Variants in LYN observed in about 807,000 individuals in gnomAD.
The protein encoded by LYN is LYN proto-oncogene, Src family tyrosine kinase.
LYN carries 12 observed loss-of-function variants against 65.0 expected under a neutral mutation model. The observed-to-expected ratio is 0.18, with a 90% CI of 0.12 to 0.30. The LOEUF (loss-of-function observed/expected upper bound fraction) is 0.30. Among genes scored for constraint, LYN ranks in the 10% least tolerant of loss-of-function variants. The pLI, the probability that LYN is intolerant of heterozygous loss-of-function variation, is 1.00. For synonymous variants in LYN, 222 were observed against 221.2 expected, an observed-to-expected ratio of 1.00 and a Z score of -0.03; for missense variants, 380 against 623.2, an observed-to-expected ratio of 0.61 and a Z score of 4.16.
At chr8:55,912,675 C>T (rs982805664) in intron 1 of LYN, among the ~76,000 whole-genome samples, 12 of 149,716 alleles carry the variant, frequency 8.0e-5, no homozygotes, top group East Asian at 3.9e-4. Context: ...TGCAGTGAGC[C>T]GAGATTATGC....
chr8:55,982,911 C>A (rs1807968628), intron 10 of LYN, among the ~76,000 whole-genome samples: 1 of 152,144 alleles, frequency 6.6e-6, no homozygotes, highest in Non-Finnish European at 1.5e-5. Context: ...CCAGCACTTC[C>A]CGTCCCTTGA....
At chr8:55,961,241 A>G (rs548708360) in intron 8 of LYN, among the ~76,000 whole-genome samples, 5 of 152,176 alleles carry the variant, frequency 3.3e-5, no homozygotes, top group Non-Finnish European at 7.3e-5. Flanking sequence ...GTGCCACATC[A>G]GCTTTCTTTA....
chr8:55,929,881 C>A (rs538712909), intron 1 of LYN, among the ~76,000 whole-genome samples: 1 of 152,226 alleles, frequency 6.6e-6, no homozygotes, highest in Non-Finnish European at 1.5e-5. Flanking sequence ...CAGGCATCCC[C>A]AACCCCTGGG....
intron 1 of LYN, among the ~76,000 whole-genome samples, chr8:55,914,116 G>A (rs1285546471): frequency 1.3e-5 from 2 of 151,976 alleles, no homozygotes; most frequent in African/African-American, 2.4e-5. Context: ...GTGTGTGTGT[G>A]CACGTATGAC....
chr8:55,902,574 T>A (rs1805300668), intron 1 of LYN: 1 of 269,214 alleles, frequency 3.7e-6, no homozygotes, highest in Non-Finnish European at 7.4e-6. Context: ...ATGTACCACA[T>A]TACAATGTTT....
chr8:56,011,204 A>G lies in LYN; in HGVS notation c.*1094A>G, dbSNP rs1301312488. ...AGGATATGAAGGAACATAAGTGACT[A>G]CAAGGCTCTAATAAGCCACGGTGGC... is the stretch of plus-strand genomic sequence containing the variant. On this transcript the variant is annotated 3_prime_UTR_variant, in exon 13 of 13. Transcript: ENST00000519728. The G allele has an allele frequency of 8.8e-6, 2 of 227,894 alleles. No homozygotes were observed. The highest frequency in any genetic ancestry group is 1.7e-5 in the Non-Finnish European group (2 of 114,858). 14.1% of individuals were successfully genotyped at this position (227,894 alleles called of 1,614,324 possible).
At chr8:55,984,700 A>G (rs1808025977) in intron 10 of LYN, among the ~76,000 whole-genome samples, 2 of 152,326 alleles carry the variant, frequency 1.3e-5, no homozygotes, top group South Asian at 4.1e-4. Context: ...GTGGTCACAC[A>G]GCAGTCAGAG....
chr8:55,975,770 CTG>C (rs1377659475), intron 10 of LYN, among the ~76,000 whole-genome samples: 2 of 122,064 alleles, frequency 1.6e-5, no homozygotes, highest in Admixed American at 1.1e-4. Context: ...GAATAGGAAA[CTG>C]TCATTTAAAA....
In LYN at chr8:55,927,817, C is replaced by T. The variant is rs574899072; in HGVS notation, c.-5-14038C>T. Among the ~76,000 whole-genome samples, 157 of 151,774 alleles carry T rather than the reference C, an allele frequency of 1.0e-3. 1 individual carries two copies. Among genetic ancestry groups the T allele is most frequent in the African/African-American group, 3.6e-3 (150 of 41,382 alleles). Reference sequence around the variant, plus strand: ...CACCACTGTACCCCTGCCTGGGTGACAGAGCGAGACTCTGTCCCAAGGGGG... The same window carrying T: ...CACCACTGTACCCCTGCCTGGGTGATAGAGCGAGACTCTGTCCCAAGGGGG... On this transcript the variant is annotated intron_variant, in intron 1 of 12. Coordinates refer to ENST00000519728, the MANE Select transcript of LYN (RefSeq NM_002350.4).
chr8:56,007,690 C>T (rs1250080427), intron 12 of LYN, among the ~76,000 whole-genome samples: 3 of 152,158 alleles, frequency 2.0e-5, no homozygotes, highest in African/African-American at 4.8e-5. Context: ...GTTTATTGGC[C>T]ATAAGCCATT....
intron 3 of LYN, 104 bp from the exon 4 acceptor site, chr8:55,947,514 T>G: frequency 2.6e-6 from 2 of 776,408 alleles, no homozygotes; most frequent in Non-Finnish European, 4.5e-6. Flanking sequence ...CTTCTTCCAG[T>G]TGCCCCCTCT....
chr8:55,899,656 C>A (rs1403292236), intron 1 of LYN, among the ~76,000 whole-genome samples: 1 of 151,650 alleles, frequency 6.6e-6, no homozygotes, highest in South Asian at 2.1e-4. Context: ...TTTCTTTTTT[C>A]TTTTCTTTTT....
chr8:55,999,863 CG>C (rs1563329531), intron 12 of LYN, among the ~76,000 whole-genome samples: 2 of 151,932 alleles, frequency 1.3e-5, no homozygotes, highest in African/African-American at 4.8e-5. Flanking sequence ...CCCAGCTACT[CG>C]GGAGGCTGAG....
Position 55,937,116 on chromosome 8 carries a change from T to G in LYN, c.-5-4739T>G, listed in dbSNP as rs146590426. On this transcript the variant is annotated intron_variant, in intron 1 of 12. Transcript: ENST00000519728. ...GCAATCCAACTCCATAGTCCTTACTTCAGAATATGTTGTGAATTGTATAGT... is the reference window on the plus strand; with the variant it reads ...GCAATCCAACTCCATAGTCCTTACTGCAGAATATGTTGTGAATTGTATAGT... Among the ~76,000 whole-genome samples, 16 of 152,328 alleles carry G rather than the reference T, an allele frequency of 1.1e-4. 1 individual carries two copies. The East Asian group carries it at 3.1e-3, about 29-fold the overall frequency.
intron 8 of LYN, among the ~76,000 whole-genome samples, chr8:55,966,125 A>AAAAT (rs376432034): frequency 6.6e-5 from 10 of 152,320 alleles, no homozygotes; most frequent in African/African-American, 2.2e-4. Flanking sequence ...ACGTAGTCTA[A>AAAAT]AAATAAATAA....
chr8:55,917,491 A>T (rs1238344167), intron 1 of LYN, among the ~76,000 whole-genome samples: 1 of 152,206 alleles, frequency 6.6e-6, no homozygotes, highest in Non-Finnish European at 1.5e-5. Flanking sequence ...GCAGTTTAAA[A>T]GTGTTTATAT....
intron 12 of LYN, among the ~76,000 whole-genome samples, chr8:56,003,673 CAA>C (rs1433810331): frequency 1.4e-4 from 12 of 86,438 alleles, no homozygotes; most frequent in African/African-American, 1.3e-4. Flanking sequence ...GACTCTGTCT[CAA>C]AAAAAAAAAA....
intron 2 of LYN, 26 bp downstream of exon 2, chr8:55,942,017 T>C: frequency 1.2e-6 from 2 of 1,611,132 alleles, no homozygotes; most frequent in Non-Finnish European, 1.7e-6. Context: ...CAGGGGAGAA[T>C]TCCCACAGCA....
At chr8:55,939,535 G>A (rs79520241) in intron 1 of LYN, among the ~76,000 whole-genome samples, 8 of 151,982 alleles carry the variant, frequency 5.3e-5, no homozygotes, top group Non-Finnish European at 1.0e-4. Flanking sequence ...AACGCAGTGG[G>A]GGGGGGACAG....
Sources: gnomAD v4.1 joint callset for allele counts (sites outside exome capture counted in the v4.1 genomes callset) on GRCh38, gnomAD v4.1.1 for gene constraint, MANE v1.5 for transcripts, NCBI Gene and HGNC (gene_info 2026-07-23, HGNC 2026-07-21) for gene names.